TENM2: variants seen among roughly 807,000 people sequenced by gnomAD.
The protein encoded by TENM2 is teneurin-2.
Under a neutral mutation model 245.2 loss-of-function variants are expected in TENM2, and 52 were observed. That is an observed-to-expected ratio of 0.21 (90% CI 0.17 to 0.27). The LOEUF (loss-of-function observed/expected upper bound fraction) is 0.27, where lower values mean the gene tolerates loss of function less well. Among genes scored for constraint, TENM2 ranks in the 10% least tolerant of loss-of-function variants. TENM2 has a pLI of 1.00. For synonymous variants in TENM2, 1,363 were observed against 1,438.9 expected (o/e 0.95, Z 1.19); for missense variants, 3,046 against 3,666.8 (o/e 0.83, Z 4.37).
At chr5:167,774,860 T>C (rs1337305601) in intron 2 of TENM2, among the ~76,000 whole-genome samples, 1 of 152,218 alleles carries the variant, frequency 6.6e-6, no homozygotes, top group Non-Finnish European at 1.5e-5. Flanking sequence ...TAAAACTGTC[T>C]ATGTCCATGA....
At chr5:167,369,829 C>T (rs544896275) in intron 1 of TENM2, among the ~76,000 whole-genome samples, 1 of 152,274 alleles carries the variant, frequency 6.6e-6, no homozygotes, top group East Asian at 1.9e-4. Flanking sequence ...CTGGCATTTT[C>T]AGTGCTATTT....
chr5:166,987,312 T>C, the TENM2 span, among the ~76,000 whole-genome samples: 2 of 151,804 alleles, frequency 1.3e-5, no homozygotes, highest in Non-Finnish European at 2.9e-5. Context: ...GGGGGGAAAA[T>C]GTGTTTGTGG....
chr5:168,027,662 G>C (rs969905723), intron 5 of TENM2, among the ~76,000 whole-genome samples: 1 of 152,186 alleles, frequency 6.6e-6, no homozygotes, highest in African/African-American at 2.4e-5. Flanking sequence ...CTAAAGAAAA[G>C]TCAAGTTGAA....
At chr5:167,519,863 C>T (rs1281685688) in intron 2 of TENM2, among the ~76,000 whole-genome samples, 5 of 152,154 alleles carry the variant, frequency 3.3e-5, no homozygotes, top group South Asian at 4.2e-4. Context: ...CTCCAAGAAC[C>T]GATGTCAAAC....
chr5:167,523,417 A>G (rs1198178833), intron 2 of TENM2, among the ~76,000 whole-genome samples: 1 of 152,112 alleles, frequency 6.6e-6, no homozygotes, highest in Non-Finnish European at 1.5e-5. Context: ...TTCCCATTTT[A>G]AAGCAAAAGC....
chr5:167,259,204 G>A, the TENM2 span, among the ~76,000 whole-genome samples: 10 of 152,128 alleles, frequency 6.6e-5, no homozygotes, highest in South Asian at 2.1e-4. Flanking sequence ...CAGGAGTCAA[G>A]CAGGTAATGC....
intron 3 of TENM2, among the ~76,000 whole-genome samples, chr5:167,917,260 G>A (rs1258831078): frequency 1.3e-5 from 2 of 152,044 alleles, no homozygotes; most frequent in Non-Finnish European, 2.9e-5. Context: ...GCAAATCCCA[G>A]TTCTAGCCCA....
At chr5:166,992,547 A>G in the TENM2 span, among the ~76,000 whole-genome samples, 140,265 of 152,272 alleles carry the variant, frequency 0.92, 64,754 homozygotes, top group African/African-American at 0.98. Context: ...ATAGTTTCAA[A>G]GTGCTCCATG....
chr5:167,483,870 G>A (rs1301559105), intron 2 of TENM2, among the ~76,000 whole-genome samples: 1 of 152,122 alleles, frequency 6.6e-6, no homozygotes, highest in Non-Finnish European at 1.5e-5. Flanking sequence ...GCTCCCCAAG[G>A]CAGGAAGACA....
chr5:167,289,722 G>A (rs995425448), intron 1 of TENM2, among the ~76,000 whole-genome samples: 7 of 152,164 alleles, frequency 4.6e-5, no homozygotes, highest in African/African-American at 1.7e-4. Flanking sequence ...CAGTGTTAAT[G>A]AGCTGAAAAC....
intron 1 of TENM2, among the ~76,000 whole-genome samples, chr5:167,357,463 A>G (rs1759419526): frequency 6.6e-6 from 1 of 151,812 alleles, no homozygotes; most frequent in African/African-American, 2.4e-5. Context: ...TTGTATTTTT[A>G]GTAGAGACGG....
At chr5:167,992,295 C>T (rs1367075433) in intron 4 of TENM2, among the ~76,000 whole-genome samples, 1 of 151,576 alleles carries the variant, frequency 6.6e-6, no homozygotes, top group Non-Finnish European at 1.5e-5. Flanking sequence ...ATCTGGATTA[C>T]AGAAAGAAAA....
At chr5:167,649,557 T>C (rs1293670971) in intron 2 of TENM2, among the ~76,000 whole-genome samples, 1 of 152,162 alleles carries the variant, frequency 6.6e-6, no homozygotes, top group Non-Finnish European at 1.5e-5. Context: ...TGAGACTGTC[T>C]TTTTTTCTTA....
intron 7 of TENM2, chr5:168,087,452 A>G (rs1263647804): frequency 1.3e-5 from 2 of 152,284 alleles, no homozygotes; most frequent in Non-Finnish European, 2.9e-5. Flanking sequence ...TGCTAAAGAT[A>G]CAAAAAATTA....
At chr5:167,938,214 C>A (rs1385907773) in intron 3 of TENM2, 1 of 152,112 alleles carries the variant, frequency 6.6e-6, no homozygotes, top group Non-Finnish European at 1.5e-5. Flanking sequence ...GCTCTGTGTG[C>A]CATGATGCAT....
chr5:167,836,643 G>A (rs751105239), intron 2 of TENM2, among the ~76,000 whole-genome samples: 2 of 152,274 alleles, frequency 1.3e-5, no homozygotes, highest in East Asian at 3.9e-4. Context: ...GGATAAGTGT[G>A]AACATTCTGG....
At chr5:168,125,497 T>C (rs1795783922) in intron 11 of TENM2, among the ~76,000 whole-genome samples, 1 of 152,120 alleles carries the variant, frequency 6.6e-6, no homozygotes, top group African/African-American at 2.4e-5. Flanking sequence ...ACACTTCATT[T>C]TCCTAAAATT....
chr5:168,224,615 C>G (rs759788707), intron 23 of TENM2, among the ~76,000 whole-genome samples: 1 of 152,150 alleles, frequency 6.6e-6, no homozygotes, highest in African/African-American at 2.4e-5. Flanking sequence ...AGGCCCTCCC[C>G]ACAGGGATCC....
intron 2 of TENM2, among the ~76,000 whole-genome samples, chr5:167,502,970 C>T (rs990221736): frequency 6.6e-6 from 1 of 152,172 alleles, no homozygotes; most frequent in African/African-American, 2.4e-5. Context: ...GCTGCGACTA[C>T]AGGCGCACGC....
Sources: allele counts gnomAD v4.1 joint callset (sites outside exome capture counted in the v4.1 genomes callset), GRCh38; gene constraint gnomAD v4.1.1; transcripts MANE v1.5; gene names NCBI Gene and HGNC (gene_info 2026-07-23, HGNC 2026-07-21).